Variants in GART observed in about 807,000 individuals in gnomAD.
GART encodes the protein phosphoribosylglycinamide formyltransferase, phosphoribosylglycinamide synthetase, phosphoribosylaminoimidazole synthetase.
GART carries 43 observed loss-of-function variants against 107.2 expected under a neutral mutation model. That is an observed-to-expected ratio of 0.40 (90% confidence interval 0.31 to 0.52). The LOEUF is 0.52. Among genes scored for constraint, GART ranks in the 20% least tolerant of loss-of-function variants. The pLI, the probability that GART is intolerant of heterozygous loss-of-function variation, is 0.52. For missense variants in GART, 1,107 were observed against 1,206.5 expected (o/e 0.92, Z 1.22); for synonymous variants, 434 against 427.0 (o/e 1.02, Z -0.20).
intron 17 of GART, among the ~76,000 whole-genome samples, chr21:33,510,847 C>T (rs560622901): frequency 6.3e-4 from 96 of 152,110 alleles, no homozygotes; most frequent in Non-Finnish European, 1.2e-3. Context: ...AAGCATGTGA[C>T]GTCTTTGTTA....
intron 10 of GART, among the ~76,000 whole-genome samples, chr21:33,525,887 T>G (rs2085064507): frequency 6.7e-6 from 1 of 149,946 alleles, no homozygotes; most frequent in Admixed American, 6.6e-5. Context: ...TTTTTTTTTT[T>G]GAGACAGAGT....
At chr21:33,520,262 C>T in intron 14 of GART, 102 bp downstream of exon 14, 1 of 929,920 alleles carries the variant, frequency 1.1e-6, no homozygotes, top group Admixed American at 2.0e-5. Context: ...TTGTGATATA[C>T]AGTCTCTCTT....
intron 16 of GART, 94 bp downstream of exon 16, chr21:33,516,894 TA>T: frequency 9.3e-7 from 1 of 1,071,514 alleles, no homozygotes; most frequent in Non-Finnish European, 1.3e-6. Context: ...TTTCCATGTG[TA>T]ATCATGTGTA....
intron 20 of GART, among the ~76,000 whole-genome samples, 191 bp from the exon 21 acceptor site, chr21:33,504,718 C>A (rs920315536): frequency 3.3e-5 from 5 of 152,118 alleles, no homozygotes; most frequent in Non-Finnish European, 7.3e-5. Context: ...CAGCAAGTAC[C>A]CGCCTTGCAC....
chr21:33,505,489 T>G, intron 20 of GART, 72 bp downstream of exon 20: 1 of 1,368,772 alleles, frequency 7.3e-7, no homozygotes, highest in Admixed American at 2.4e-5. Context: ...CTGGGATTGT[T>G]TGGCAAGTTA....
At position 33,534,588 on chromosome 21, in the gene GART, A is replaced by C; in HGVS notation, c.407T>G (p.Phe136Cys). The change falls in exon 4 of 22, where the codon TTC becomes TGC. Residue 136 changes from phenylalanine to cysteine, a missense_variant. Transcript: ENST00000381815. ...AFTKPEEACS[F>C]ILSADFPALV... Reference sequence around the variant, plus strand: ...ACAACCATTTACCTACCTCAAAATGAAGCTGCAGGCTTCTTCAGGTTTGGT... The same window carrying C: ...ACAACCATTTACCTACCTCAAAATGCAGCTGCAGGCTTCTTCAGGTTTGGT... 1 of 1,614,184 alleles carries C rather than the reference A, an allele frequency of 6.2e-7. No individual in the cohort carries two copies. Among genetic ancestry groups the C allele is most frequent in the Non-Finnish European group, 8.5e-7 (1 of 1,180,014 alleles).
chr21:33,520,323 A>C (rs773819383), intron 14 of GART, 41 bp downstream of exon 14: 11 of 1,582,906 alleles, frequency 6.9e-6, no homozygotes, highest in Non-Finnish European at 9.5e-6. Context: ...AAAACACAAA[A>C]AGAAGAATGA....
intron 3 of GART, 95 bp from the exon 4 acceptor site, chr21:33,534,848 G>A: frequency 1.8e-6 from 2 of 1,086,498 alleles, no homozygotes; most frequent in East Asian, 5.3e-5. Flanking sequence ...TCTACATCTA[G>A]ACAAGGCAGA....
intron 5 of GART, 84 bp from the exon 6 acceptor site, chr21:33,531,641 C>G (rs1252022880): frequency 8.0e-7 from 1 of 1,256,428 alleles, no homozygotes; most frequent in Non-Finnish European, 1.1e-6. Context: ...TTAGCATTAT[C>G]CAGCATTTGT....
At chr21:33,514,818 T>G (rs951110908) in intron 16 of GART, among the ~76,000 whole-genome samples, 1 of 152,140 alleles carries the variant, frequency 6.6e-6, no homozygotes, top group African/African-American at 2.4e-5. Flanking sequence ...GGCCTGTCTG[T>G]TTTGCTTCCC....
intron 16 of GART, among the ~76,000 whole-genome samples, chr21:33,515,652 C>CAAAAAAA (rs71194850): frequency 1.2e-3 from 44 of 35,624 alleles, no homozygotes; most frequent in Non-Finnish European, 1.3e-3. Context: ...GACTCCAACT[C>CAAAAAAA]AAAAAAAAAA....
At chr21:33,534,552 G>A (rs2085267587) in intron 4 of GART, 27 bp downstream of exon 4, 5 of 1,612,708 alleles carry the variant, frequency 3.1e-6, no homozygotes, top group South Asian at 2.2e-5. Flanking sequence ...CTAAACAACT[G>A]TCCTTCACAG....
chr21:33,521,562 G>C (rs1350066208), intron 12 of GART, among the ~76,000 whole-genome samples: 2 of 150,510 alleles, frequency 1.3e-5, no homozygotes, highest in African/African-American at 2.4e-5. Flanking sequence ...AATGCAGGAG[G>C]CAGAGCTTGC....
intron 7 of GART, among the ~76,000 whole-genome samples, chr21:33,530,079 C>T (rs1307777227): frequency 6.6e-6 from 1 of 152,120 alleles, no homozygotes; most frequent in Non-Finnish European, 1.5e-5. Flanking sequence ...GTAGTCCCAG[C>T]TACTTGTGAG....
At chr21:33,530,102 G>C (rs1257689689) in intron 7 of GART, among the ~76,000 whole-genome samples, 6 of 152,200 alleles carry the variant, frequency 3.9e-5, no homozygotes, top group Admixed American at 2.6e-4. Flanking sequence ...TGAGGCAGGA[G>C]AATCACTTGA....
chr21:33,504,522 T>G lies in GART; in HGVS notation c.2731A>C (p.Met911Leu). 1 of 1,605,862 alleles carries G rather than the reference T, an allele frequency of 6.2e-7. No individual in the cohort carries two copies. The highest frequency in any genetic ancestry group is 1.1e-5 in the South Asian group (1 of 90,786). Residue 911 changes from methionine to leucine, a missense_variant, in exon 21 of 22, where the codon ATG becomes CTG. By Grantham distance (15) the Met-to-Leu change is conservative (BLOSUM62 2). Transcript: ENST00000381815. ...AGCAAGGATGGGTGGATATTGAGCA[T>G]TTTTCCTAAAAATTAAAAAAAGCAT... ...GPFVQKWNGK[M>L]LNIHPSLLPS...
intron 5 of GART, chr21:33,532,025 C>T (rs2145747536): frequency 6.8e-6 from 2 of 293,950 alleles, no homozygotes; most frequent in Non-Finnish European, 1.3e-5. Context: ...AGACCCGGGA[C>T]ATGTGGGACA....
intron 18 of GART, 120 bp downstream of exon 18, chr21:33,509,663 C>A: frequency 1.0e-6 from 1 of 967,108 alleles, no homozygotes; most frequent in South Asian, 2.2e-5. Context: ...CAAAGACAAC[C>A]CTCATGATTC....
intron 16 of GART, among the ~76,000 whole-genome samples, chr21:33,513,646 G>T (rs2084829335): frequency 6.6e-6 from 1 of 152,088 alleles, no homozygotes; most frequent in African/African-American, 2.4e-5. Context: ...TATAGTAGCT[G>T]GGAAATGTCC....
Sources: gnomAD v4.1 joint callset for allele counts (sites outside exome capture counted in the v4.1 genomes callset) on GRCh38, gnomAD v4.1.1 for gene constraint, MANE v1.5 for transcripts, NCBI Gene and HGNC (gene_info 2026-07-23, HGNC 2026-07-21) for gene names.